RIMS1: variants seen among roughly 807,000 people sequenced by gnomAD.
RIMS1 encodes the protein regulating synaptic membrane exocytosis protein 1.
RIMS1 carries 83 observed loss-of-function variants against 214.1 expected under a neutral mutation model. The ratio of observed to expected loss-of-function variants is 0.39; its 90% confidence interval spans 0.32 to 0.47. The LOEUF (loss-of-function observed/expected upper bound fraction) is 0.47, where lower values mean the gene tolerates loss of function less well. Among genes scored for constraint, RIMS1 ranks in the 20% least tolerant of loss-of-function variants. The pLI, the probability that RIMS1 is intolerant of heterozygous loss-of-function variation, is 0.99. For missense variants in RIMS1, 2,050 were observed against 2,161.8 expected (o/e 0.95, Z 1.03); for synonymous variants, 793 against 786.8 (o/e 1.01, Z -0.13).
intron 2 of RIMS1, among the ~76,000 whole-genome samples, chr6:72,071,851 T>C (rs1830647321): frequency 6.6e-6 from 1 of 152,132 alleles, no homozygotes; most frequent in Admixed American, 6.5e-5. Flanking sequence ...TCGTTCCAAA[T>C]AGTAAATGAC....
chr6:72,185,809 T>C (rs1462869068), intron 6 of RIMS1, among the ~76,000 whole-genome samples: 1 of 152,222 alleles, frequency 6.6e-6, no homozygotes, highest in African/African-American at 2.4e-5. Flanking sequence ...TGTGCCTGCC[T>C]CTTCTGCTTC....
In RIMS1 at chr6:72,092,007, G is replaced by A. The variant is rs117620517; in HGVS notation, c.246-4942G>A. The stretch of plus-strand genomic sequence containing the variant: ...ATAGAACACTGTCACAAATCTTAAA[G>A]CATTAAAACATCAGATACAAAAAAT... On this transcript the variant is annotated intron_variant, in intron 2 of 33. Coordinates refer to ENST00000521978, the MANE Select transcript of RIMS1 (RefSeq NM_014989.7). Among the ~76,000 whole-genome samples, 1,180 of 152,206 alleles carry A rather than the reference G, an allele frequency of 7.8e-3. 8 individuals are homozygous for A. The highest frequency in any genetic ancestry group is 0.012 in the Non-Finnish European group (798 of 68,022).
chr6:72,399,582 G>A (rs2098817712), intron 33 of RIMS1, among the ~76,000 whole-genome samples: 1 of 152,112 alleles, frequency 6.6e-6, no homozygotes, highest in South Asian at 2.1e-4. Flanking sequence ...ATTGAGCCCT[G>A]GTGGAGTACC....
intron 2 of RIMS1, among the ~76,000 whole-genome samples, chr6:72,039,687 T>C (rs1205937072): frequency 6.6e-6 from 1 of 152,054 alleles, no homozygotes; most frequent in African/African-American, 2.4e-5. Context: ...TTCTATCTGG[T>C]TCTGTGATTT....
At chr6:72,124,769 C>T (rs921087464) in intron 4 of RIMS1, among the ~76,000 whole-genome samples, 21 of 152,080 alleles carry the variant, frequency 1.4e-4, no homozygotes, top group African/African-American at 4.1e-4. Context: ...TTGATCCAAT[C>T]GGCTACTGAA....
chr6:72,366,390 A>T (rs1377060473), intron 29 of RIMS1, among the ~76,000 whole-genome samples: 1 of 152,176 alleles, frequency 6.6e-6, no homozygotes. Flanking sequence ...CCTGAGCTTT[A>T]CTTCTCTGAG....
intron 6 of RIMS1, among the ~76,000 whole-genome samples, chr6:72,226,897 T>G (rs1195968050): frequency 2.0e-5 from 3 of 152,114 alleles, no homozygotes; most frequent in African/African-American, 7.2e-5. Flanking sequence ...TAAGCTCTAT[T>G]TCTAAACTCC....
intron 4 of RIMS1, chr6:72,175,417 T>C (rs527460745): frequency 5.1e-5 from 20 of 392,950 alleles, no homozygotes; most frequent in South Asian, 3.8e-4. Flanking sequence ...TCACGCCTGT[T>C]ATCCCAGCAC....
chr6:72,150,106 G>A (rs62408085), intron 4 of RIMS1, among the ~76,000 whole-genome samples: 32,330 of 151,790 alleles, frequency 0.21, 4,112 homozygotes, highest in Non-Finnish European at 0.27. Flanking sequence ...TCCCCCATCT[G>A]AAGTCAAGTG....
At chr6:72,216,516 G>C (rs1293379281) in intron 6 of RIMS1, 1 of 985,338 alleles carries the variant, frequency 1.0e-6, no homozygotes, top group East Asian at 1.1e-4. Flanking sequence ...ATGCTTTCTG[G>C]TGCCAGTTGT....
At position 71,988,654 on chromosome 6, in the gene RIMS1, T is replaced by C. The variant is rs1800711444; in HGVS notation, c.245+19591T>C. ...AATTCTTGTTATTCTTAGGAGCTCCTGAAAAGAATTGAGCATCTTCAACTA... is the reference window on the plus strand; with the variant it reads ...AATTCTTGTTATTCTTAGGAGCTCCCGAAAAGAATTGAGCATCTTCAACTA... On this transcript the variant is annotated intron_variant, in intron 2 of 33. Transcript: ENST00000521978. Among the ~76,000 whole-genome samples the C allele has an allele frequency of 1.3e-5, 2 of 152,154 alleles. 1 individual carries two copies. The highest frequency in any genetic ancestry group is 1.3e-4 in the Admixed American group (2 of 15,262).
chr6:72,234,538 A>G (rs975522230), intron 7 of RIMS1, among the ~76,000 whole-genome samples: 41 of 152,084 alleles, frequency 2.7e-4, no homozygotes, highest in African/African-American at 9.9e-4. Context: ...ATTTGTTACA[A>G]CTGATGAGCC....
chr6:72,276,775 C>T (rs2086678171), intron 23 of RIMS1, among the ~76,000 whole-genome samples: 1 of 152,042 alleles, frequency 6.6e-6, no homozygotes, highest in Non-Finnish European at 1.5e-5. Flanking sequence ...TCCACTAATG[C>T]TACATTCATA....
chr6:72,165,402 A>G (rs915014321), intron 4 of RIMS1, among the ~76,000 whole-genome samples: 1 of 152,124 alleles, frequency 6.6e-6, no homozygotes, highest in Non-Finnish European at 1.5e-5. Flanking sequence ...ATATTGAAAT[A>G]TGTGCCTTAC....
At chr6:72,400,373 G>T (rs552846984) in intron 33 of RIMS1, 123 bp from the exon 34 acceptor site, 2 of 736,142 alleles carry the variant, frequency 2.7e-6, no homozygotes, top group South Asian at 1.7e-5. Context: ...GGTGATAGTT[G>T]TATTCATTAT....
intron 24 of RIMS1, among the ~76,000 whole-genome samples, chr6:72,287,934 ATTTG>A (rs774483917): frequency 8.5e-5 from 13 of 152,288 alleles, no homozygotes; most frequent in Non-Finnish European, 1.6e-4. Flanking sequence ...TAGAGTAGGT[ATTTG>A]TTAAATACCA....
At chr6:72,056,997 A>G (rs1826371328) in intron 2 of RIMS1, among the ~76,000 whole-genome samples, 1 of 152,078 alleles carries the variant, frequency 6.6e-6, no homozygotes, top group South Asian at 2.1e-4. Context: ...TTCTGAAGCT[A>G]TGCTTAAGAA....
At chr6:72,119,355 G>A (rs959907816) in intron 4 of RIMS1, among the ~76,000 whole-genome samples, 3 of 151,848 alleles carry the variant, frequency 2.0e-5, no homozygotes, top group African/African-American at 4.8e-5. Flanking sequence ...TCATGGATGA[G>A]TAGAATCAAT....
chr6:72,194,207 A>G (rs755455345), intron 6 of RIMS1, among the ~76,000 whole-genome samples: 1 of 152,164 alleles, frequency 6.6e-6, no homozygotes. Context: ...CTATGAAATT[A>G]CCAATGTCAT....
Sources: gnomAD v4.1 joint callset for allele counts (sites outside exome capture counted in the v4.1 genomes callset) on GRCh38, gnomAD v4.1.1 for gene constraint, MANE v1.5 for transcripts, NCBI Gene and HGNC (gene_info 2026-07-23, HGNC 2026-07-21) for gene names.